The following PGCKA1 variants were observed in gnomAD, a reference collection of about 807,000 sequenced individuals.
PGCKA1 encodes the protein PDCD10 and GCKIII kinases associated 1.
the PGCKA1 span, among the ~76,000 whole-genome samples, chr4:37,555,144 C>G: frequency 1.3e-5 from 2 of 152,082 alleles, no homozygotes; most frequent in Non-Finnish European, 2.9e-5. Flanking sequence ...CAGTTGGTTT[C>G]CTAGGAAGCA....
At chr4:37,478,698 T>A in the PGCKA1 span, among the ~76,000 whole-genome samples, 2 of 152,246 alleles carry the variant, frequency 1.3e-5, no homozygotes, top group Admixed American at 6.5e-5. Flanking sequence ...CAAGACGTGC[T>A]GTTGTCCATA....
chr4:37,475,991 TA>T, the PGCKA1 span, among the ~76,000 whole-genome samples: 1 of 150,118 alleles, frequency 6.7e-6, no homozygotes, highest in African/African-American at 2.4e-5. Flanking sequence ...TACAATACAT[TA>T]TTTAAAATAT....
chr4:37,558,117 A>G, the PGCKA1 span: 1 of 152,134 alleles, frequency 6.6e-6, no homozygotes, highest in South Asian at 2.1e-4. Context: ...GAGAAAATCT[A>G]TTCTCTTCAC....
the PGCKA1 span, chr4:37,558,130 T>G: frequency 6.6e-6 from 1 of 152,350 alleles, no homozygotes; most frequent in Admixed American, 6.5e-5. Context: ...CTCTTCACTT[T>G]CTGTTAAATT....
At chr4:37,475,046 A>T in the PGCKA1 span, among the ~76,000 whole-genome samples, 2 of 152,214 alleles carry the variant, frequency 1.3e-5, no homozygotes, top group South Asian at 4.1e-4. Context: ...TGGAAGGTAC[A>T]TCAGCAGAAT....
At chr4:37,476,776 T>G in the PGCKA1 span, among the ~76,000 whole-genome samples, 1 of 152,192 alleles carries the variant, frequency 6.6e-6, no homozygotes, top group Non-Finnish European at 1.5e-5. Flanking sequence ...TAATTTTTAA[T>G]AAAACATGTT....
chr4:37,468,252 A>G, the PGCKA1 span, among the ~76,000 whole-genome samples: 1 of 152,220 alleles, frequency 6.6e-6, no homozygotes, highest in South Asian at 2.1e-4. Flanking sequence ...TCACAGAGAC[A>G]CAGCCAACCC....
At chr4:37,454,452 C>T in the PGCKA1 span, among the ~76,000 whole-genome samples, 1 of 152,172 alleles carries the variant, frequency 6.6e-6, no homozygotes. Flanking sequence ...CCTCCTCCCC[C>T]ATTTTAAGTA....
chr4:37,499,842 C>A, the PGCKA1 span, among the ~76,000 whole-genome samples: 4 of 149,588 alleles, frequency 2.7e-5, no homozygotes, highest in Non-Finnish European at 5.9e-5. Context: ...CTTCTGCTAC[C>A]TTTGAGGTTA....
At chr4:37,535,943 G>A in the PGCKA1 span, among the ~76,000 whole-genome samples, 1 of 152,334 alleles carries the variant, frequency 6.6e-6, no homozygotes, top group East Asian at 1.9e-4. Flanking sequence ...TTCCTCCTCT[G>A]TTAGATGAGC....
the PGCKA1 span, among the ~76,000 whole-genome samples, chr4:37,504,934 T>C: frequency 6.6e-6 from 1 of 152,200 alleles, no homozygotes; most frequent in Admixed American, 6.5e-5. Flanking sequence ...CTAATTTCTC[T>C]GGTTAGAACT....
the PGCKA1 span, among the ~76,000 whole-genome samples, chr4:37,494,872 ATC>A: frequency 8.5e-5 from 13 of 152,208 alleles, no homozygotes; most frequent in African/African-American, 3.1e-4. Flanking sequence ...TTCTTTAATG[ATC>A]AGTAATATTG....
chr4:37,547,089 G>A, the PGCKA1 span, among the ~76,000 whole-genome samples: 4 of 152,084 alleles, frequency 2.6e-5, no homozygotes, highest in Admixed American at 2.6e-4. Flanking sequence ...GAGTGGTAGT[G>A]TGGCCTGATC....
chr4:37,467,971 C>G, the PGCKA1 span, among the ~76,000 whole-genome samples: 1 of 152,202 alleles, frequency 6.6e-6, no homozygotes, highest in African/African-American at 2.4e-5. Flanking sequence ...CATGTTCTCT[C>G]TCTGTCTTTC....
At chr4:37,550,869 C>T in the PGCKA1 span, among the ~76,000 whole-genome samples, 1 of 152,188 alleles carries the variant, frequency 6.6e-6, no homozygotes, top group Non-Finnish European at 1.5e-5. Flanking sequence ...TGATGAATTA[C>T]CGGCCCAAAA....
At chr4:37,565,472 G>A in the PGCKA1 span, among the ~76,000 whole-genome samples, 2 of 152,228 alleles carry the variant, frequency 1.3e-5, no homozygotes, top group African/African-American at 2.4e-5. Flanking sequence ...GTCTAATCTG[G>A]GGGAAGGAAC....
At chr4:37,546,806 C>A in the PGCKA1 span, among the ~76,000 whole-genome samples, 1 of 152,222 alleles carries the variant, frequency 6.6e-6, no homozygotes, top group African/African-American at 2.4e-5. Context: ...AAAGACCGCT[C>A]CCAGGTAGGC....
the PGCKA1 span, among the ~76,000 whole-genome samples, chr4:37,496,288 T>A: frequency 6.6e-6 from 1 of 152,236 alleles, no homozygotes; most frequent in African/African-American, 2.4e-5. Context: ...TTGAGTTGAT[T>A]TTTGTATGTG....
the PGCKA1 span, among the ~76,000 whole-genome samples, chr4:37,453,775 G>A: frequency 6.6e-6 from 1 of 152,086 alleles, no homozygotes; most frequent in Admixed American, 6.5e-5. Flanking sequence ...GGGGATGTCG[G>A]ACATCGTACT....
Sources: allele counts gnomAD v4.1 joint callset (sites outside exome capture counted in the v4.1 genomes callset), GRCh38; gene constraint gnomAD v4.1.1; transcripts MANE v1.5; gene names NCBI Gene and HGNC (gene_info 2026-07-23, HGNC 2026-07-21).